The following OGA variants were observed in gnomAD, a reference collection of about 807,000 sequenced individuals.
The protein encoded by OGA is protein O-GlcNAcase.
A neutral mutation model predicts 102.0 loss-of-function variants in OGA; 21 were observed. The ratio of observed to expected loss-of-function variants is 0.21; its 90% confidence interval spans 0.15 to 0.30. The LOEUF (loss-of-function observed/expected upper bound fraction) is 0.30. OGA is among the 10% of genes least tolerant of loss of function. The pLI is 1.00. For missense variants in OGA, 765 were observed against 1,107.8 expected, an observed-to-expected ratio of 0.69 and a Z score of 4.39; for synonymous variants, 408 against 378.2, an observed-to-expected ratio of 1.08 and a Z score of -0.91.
rs773412983 is a variant in OGA at position 101,806,072 on chromosome 10, G to A, written c.724C>T (p.Leu242=). The A allele has an allele frequency of 4.3e-6, 7 of 1,610,474 alleles. No individual in the cohort carries two copies. In the Admixed American group the frequency reaches 8.3e-5, roughly 19 times the overall value. Residue 242 remains leucine, a synonymous_variant, in exon 6 of 16, where the codon CTA becomes TTA. Transcript: ENST00000361464. Reference sequence around the variant, plus strand: ...GTCCAAAGCACTTCAATTCCAGGTAGAAGCTTTTCACCCACAGTCCTTAAA... The same window carrying A: ...GTCCAAAGCACTTCAATTCCAGGTAAAAGCTTTTCACCCACAGTCCTTAAA... ...PYLRTVGEKL[L]PGIEVLWTGP...
chr10:101,797,946 T>A, intron 10 of OGA, 34 bp downstream of exon 10: 1 of 1,589,150 alleles, frequency 6.3e-7, no homozygotes, highest in Non-Finnish European at 8.6e-7. Context: ...GGACAATATA[T>A]TTGAGGAGAA....
At position 101,798,104 on chromosome 10, in the gene OGA, T is replaced by A; in HGVS notation, c.1860A>T (p.Leu620=). ...RAAKFEEMCG[L]VMGMFTRLSN... The stretch of plus-strand genomic sequence containing the variant: ...AGAGCCGAGTGAACATTCCCATCAC[T>A]AGTCCACACATCTCTTCAAACTTGG... The change falls in exon 10 of 16, where the codon CTA becomes CTT. Residue 620 remains leucine, a synonymous_variant. Coordinates refer to ENST00000361464, the MANE Select transcript of OGA (RefSeq NM_012215.5). 1 of 1,614,150 alleles carries A rather than the reference T, an allele frequency of 6.2e-7. No homozygotes were observed. Among genetic ancestry groups the A allele is most frequent in the Non-Finnish European group, 8.5e-7 (1 of 1,180,018 alleles).
chr10:101,808,860 C>T (rs151130269), intron 4 of OGA, among the ~76,000 whole-genome samples: 1 of 152,132 alleles, frequency 6.6e-6, no homozygotes, highest in African/African-American at 2.4e-5. Context: ...ATCCCCGTTA[C>T]TCAGGAGGCT....
At position 101,818,322 on chromosome 10, in the gene OGA, G is replaced by C. The variant is rs1189252565; in HGVS notation, c.-300C>G. ...GTTCCCTGGAAGAAGACGGCCAAGG[G>C]TCCTGTCCTCGTTCTCTGCCTCTGC... is the stretch of plus-strand genomic sequence containing the variant. On this transcript the variant is annotated 5_prime_UTR_variant, in exon 1 of 16. Transcript: ENST00000361464. 3.4e-6 allele frequency: 4 copies of C among 1,183,610 alleles called. No homozygotes were observed. In the Admixed American group the frequency reaches 1.8e-4, roughly 52 times the overall value. 73.3% of individuals were successfully genotyped at this position (1,183,610 alleles called of 1,614,324 possible). A position where few individuals can be genotyped will look rare whatever the true frequency, so the allele number is the denominator to read the frequency against.
intron 7 of OGA, among the ~76,000 whole-genome samples, chr10:101,802,978 TAAAAA>T (rs764237378): frequency 1.5e-5 from 1 of 68,578 alleles, no homozygotes; most frequent in African/African-American, 5.8e-5. Flanking sequence ...GTCTCTACTT[TAAAAA>T]AAAAAAAAAA....
At position 101,800,030 on chromosome 10, in the gene OGA, G is replaced by A. The variant is rs535459500; in HGVS notation, c.1195+212C>T. Among the ~76,000 whole-genome samples, 41 of 152,170 alleles carry A rather than the reference G, an allele frequency of 2.7e-4. 1 individual carries two copies. Among genetic ancestry groups the A allele is most frequent in the Admixed American group, 2.4e-3 (37 of 15,292 alleles). On this transcript the variant is annotated intron_variant, in intron 8 of 15. Coordinates refer to ENST00000361464, the MANE Select transcript of OGA (RefSeq NM_012215.5). ...TGGGACGACAGGCGCATGCCACCAC[G>A]CCCGGCTAATCTTTGTATTTTTAGT...
At position 101,813,954 on chromosome 10, in the gene OGA, A is replaced by AAGAG. The variant is rs1329431484; in HGVS notation, c.200-349_200-348insCTCT. Among the ~76,000 whole-genome samples, 169 of 152,312 alleles carry AAGAG rather than the reference A, an allele frequency of 1.1e-3. 1 individual carries two copies. The highest frequency in any genetic ancestry group is 1.9e-4 in the Non-Finnish European group (13 of 68,030). ...ATTTTTTAAGAGATCTCAATCTTAT[A>AAGAG]ATGGGGAACGGCAGCAATGTAATAC... On this transcript the variant is annotated intron_variant, in intron 1 of 15. Coordinates refer to ENST00000361464, the MANE Select transcript of OGA (RefSeq NM_012215.5).
At chr10:101,817,707 A>T in intron 1 of OGA, 117 bp downstream of exon 1, 1 of 1,186,556 alleles carries the variant, frequency 8.4e-7, no homozygotes, top group Non-Finnish European at 1.2e-6. Flanking sequence ...TAGGAGGGCC[A>T]CATTTCAGAC....
At chr10:101,787,569 G>A (rs770968611) in intron 14 of OGA, 46 bp from the exon 15 acceptor site, 1 of 1,515,292 alleles carries the variant, frequency 6.6e-7, no homozygotes, top group Admixed American at 1.7e-5. Context: ...TTACGCATTA[G>A]ATATCTAACC....
At position 101,785,679 on chromosome 10, in the gene OGA, A is replaced by G. The variant is rs1216372035; in HGVS notation, c.*772T>C. Reference sequence around the variant, plus strand: ...GAAAATCCACTTTTCACTGGTTTACATTATTCAAAGTGCCATTCTGAACCA... The same window carrying G: ...GAAAATCCACTTTTCACTGGTTTACGTTATTCAAAGTGCCATTCTGAACCA... On this transcript the variant is annotated 3_prime_UTR_variant, in exon 16 of 16. Coordinates refer to ENST00000361464, the MANE Select transcript of OGA (RefSeq NM_012215.5). 6.6e-6 allele frequency: 1 copy of G among 152,658 alleles called. No homozygotes were observed. Among genetic ancestry groups the G allele is most frequent in the Non-Finnish European group, 1.5e-5 (1 of 68,044 alleles). 9.5% of individuals were successfully genotyped at this position (152,658 alleles called of 1,614,324 possible).
Position 101,812,993 on chromosome 10 carries a change from C to G in OGA, c.349+37G>C, listed in dbSNP as rs775320487. On this transcript the variant is annotated intron_variant, in intron 3 of 15. Coordinates refer to ENST00000361464, the MANE Select transcript of OGA (RefSeq NM_012215.5). The stretch of plus-strand genomic sequence containing the variant: ...ATTTAAAATATAACCGTTTTCTTCA[C>G]AGATTTTGAATTTATGGATAAAAAG... The G allele has an allele frequency of 3.5e-6, 5 of 1,428,570 alleles. No individual in the cohort carries two copies. In the South Asian group the frequency reaches 3.5e-5, roughly 10 times the overall value. The allele number at this position is 1,428,570 out of a possible 1,614,324, so 88.5% of individuals were successfully genotyped here.
intron 12 of OGA, 123 bp downstream of exon 12, chr10:101,792,716 C>T (rs571022383): frequency 3.1e-6 from 2 of 638,706 alleles, no homozygotes; most frequent in East Asian, 2.7e-5. Flanking sequence ...TTTTAATGAA[C>T]TTTCTCCATC....
At chr10:101,814,007 T>G (rs2065590684) in intron 1 of OGA, among the ~76,000 whole-genome samples, 1 of 152,138 alleles carries the variant, frequency 6.6e-6, no homozygotes, top group Admixed American at 6.6e-5. Context: ...AATTACTTCC[T>G]AGAATGATAG....
In OGA at chr10:101,792,943, G is replaced by A. The variant is rs1278081642; in HGVS notation, c.2071C>T (p.Arg691Cys). Residue 691 changes from arginine (R) to cysteine (C), a missense_variant and splice_region_variant, in exon 12 of 16, where the codon CGT becomes TGT. Physicochemically the swap from Arg to Cys is radical, Grantham distance 180 (BLOSUM62 -3). Around this residue, in one of 7 missense-constraint regions of OGA, gnomAD observed 146 missense variants for 269.7 expected, o/e 0.54. Transcript: ENST00000361464. ...FRGGLAGEFQ[R>C]LLPIDGANDL... ...TTTGCCCCATCAATTGGCAGCAAAC[G>A]CTGTGGGAAGAAAAAAAAGGAGATG... The A allele has an allele frequency of 1.9e-6, 3 of 1,611,248 alleles. No homozygotes were observed. Among genetic ancestry groups the A allele is most frequent in the Non-Finnish European group, 1.7e-6 (2 of 1,177,502 alleles).
At chr10:101,805,655 C>CAA (rs976862193) in intron 6 of OGA, among the ~76,000 whole-genome samples, 175 of 80,692 alleles carry the variant, frequency 2.2e-3, no homozygotes, top group South Asian at 6.6e-3. Context: ...TGCTCTGTCT[C>CAA]AAAAAAAAAA....
At chr10:101,809,784 TG>T (rs2065528728) in intron 4 of OGA, among the ~76,000 whole-genome samples, 1 of 149,702 alleles carries the variant, frequency 6.7e-6, no homozygotes, top group Non-Finnish European at 1.5e-5. Context: ...AAACCAGGCA[TG>T]GTGACTCACA....
Position 101,798,087 on chromosome 10 carries a change from G to A in OGA, c.1877C>T (p.Thr626Ile), listed in dbSNP as rs1162488372. 1 of 1,614,114 alleles carries A rather than the reference G, an allele frequency of 6.2e-7. No homozygotes were observed. The highest frequency in any genetic ancestry group is 8.5e-7 in the Non-Finnish European group (1 of 1,179,996). The change falls in exon 10 of 16, where the codon ACT (threonine) becomes ATT (isoleucine). Residue 626 changes from threonine (T) to isoleucine (I), a missense_variant. By Grantham distance (89) the Thr-to-Ile change is moderately conservative (BLOSUM62 -1). This residue lies in a region of OGA where 281 missense variants were observed against 345.8 expected (regional missense o/e 0.81). Coordinates refer to ENST00000361464, the MANE Select transcript of OGA (RefSeq NM_012215.5). Reference sequence around the variant, plus strand: ...CCTGTTGGCACAATTGGAGAGCCGAGTGAACATTCCCATCACTAGTCCACA... The same window carrying A: ...CCTGTTGGCACAATTGGAGAGCCGAATGAACATTCCCATCACTAGTCCACA... ...EMCGLVMGMF[T>I]RLSNCANRTI...
intron 10 of OGA, chr10:101,797,610 A>C (rs764738402): frequency 6.6e-4 from 260 of 395,544 alleles, no homozygotes; most frequent in Non-Finnish European, 1.0e-3. Flanking sequence ...TGTTATCAAG[A>C]CACAGCAAGC....
In OGA at chr10:101,811,406, GAAAAAAAAAAAAAAA is replaced by G. The variant is rs67433227; in HGVS notation, c.350-1107_350-1093del. Among the ~76,000 whole-genome samples, 8 of 45,686 alleles carry G rather than the reference GAAAAAAAAAAAAAAA, an allele frequency of 1.8e-4. No homozygotes were observed. The Admixed American group carries it at 2.1e-3, about 12-fold the overall frequency. The allele number at this position is 45,686 out of a possible 152,430, so 30.0% of individuals were successfully genotyped here. A position where few individuals can be genotyped will look rare whatever the true frequency, so the allele number is the denominator to read the frequency against. ...TCCATCTCAAAAAATGAAAAAAAAT[GAAAAAAAAAAAAAAA>G]AAAAAAAAAAATGAATCACACCTGT... On this transcript the variant is annotated intron_variant, in intron 3 of 15. Coordinates refer to ENST00000361464, the MANE Select transcript of OGA (RefSeq NM_012215.5).
Sources: allele counts gnomAD v4.1 joint callset (sites outside exome capture counted in the v4.1 genomes callset), GRCh38; gene constraint gnomAD v4.1.1; regional missense constraint gnomAD v4.1.1; transcripts MANE v1.5; gene names NCBI Gene and HGNC (gene_info 2026-07-23, HGNC 2026-07-21).